ASNS: variants seen among roughly 807,000 people sequenced by gnomAD.
ASNS encodes asparagine synthetase (glutamine-hydrolyzing).
ASNS carries 37 observed loss-of-function variants against 62.6 expected under a neutral mutation model. The ratio of observed to expected loss-of-function variants is 0.59; its 90% CI spans 0.45 to 0.78. The LOEUF (loss-of-function observed/expected upper bound fraction) is 0.78. ASNS is among the 30% of genes least tolerant of loss of function. The pLI, the probability that ASNS is intolerant of heterozygous loss-of-function variation, is 0.00. For missense variants in ASNS, 520 were observed against 682.4 expected (o/e 0.76, Z 2.65); for synonymous variants, 207 against 237.9 (o/e 0.87, Z 1.19).
the ASNS span, among the ~76,000 whole-genome samples, chr7:97,889,127 A>G: frequency 6.6e-6 from 1 of 152,128 alleles, no homozygotes; most frequent in Non-Finnish European, 1.5e-5. Context: ...AGTCCCTAGT[A>G]TTGACACACC....
chr7:97,887,998 G>A, the ASNS span, among the ~76,000 whole-genome samples: 1 of 152,078 alleles, frequency 6.6e-6, no homozygotes, highest in African/African-American at 2.4e-5. Flanking sequence ...GTTTGTTTTT[G>A]GGTTCTCCCT....
intron 7 of ASNS, among the ~76,000 whole-genome samples, chr7:97,857,961 C>T (rs1476264851): frequency 6.6e-6 from 1 of 152,058 alleles, no homozygotes; most frequent in African/African-American, 2.4e-5. Flanking sequence ...TAATCTACCT[C>T]CCTCAGCCTC....
intron 5 of ASNS, 108 bp from the exon 6 acceptor site, chr7:97,859,063 T>C: frequency 3.7e-6 from 5 of 1,369,728 alleles, no homozygotes; most frequent in Non-Finnish European, 5.0e-6. Context: ...ATTTACTCAA[T>C]GGTGGAGTGT....
At chr7:97,909,721 A>G in the ASNS span, among the ~76,000 whole-genome samples, 10 of 152,158 alleles carry the variant, frequency 6.6e-5, no homozygotes, top group Non-Finnish European at 1.0e-4. Context: ...ACTGAGGGTG[A>G]CACAGAAACA....
the ASNS span, among the ~76,000 whole-genome samples, chr7:97,914,702 G>A: frequency 6.6e-6 from 1 of 152,208 alleles, no homozygotes; most frequent in Admixed American, 6.5e-5. Context: ...CAGTCCTCCA[G>A]GTGAGCCCTT....
upstream of ASNS, among the ~76,000 whole-genome samples, chr7:97,876,573 G>C (rs569586686): frequency 1.3e-5 from 2 of 151,768 alleles, no homozygotes. Flanking sequence ...GATTACAGGT[G>C]CCTGCTACCA....
At chr7:97,865,698 C>G (rs916912997) in intron 3 of ASNS, among the ~76,000 whole-genome samples, 2 of 152,158 alleles carry the variant, frequency 1.3e-5, no homozygotes, top group Non-Finnish European at 2.9e-5. Context: ...ATCTACAGGT[C>G]TTTTTGACAT....
At chr7:97,908,255 C>G in the ASNS span, 1 of 152,154 alleles carries the variant, frequency 6.6e-6, no homozygotes, top group East Asian at 1.9e-4. Flanking sequence ...CAACCACCAT[C>G]ATGAATGACA....
At chr7:97,887,167 C>A in the ASNS span, among the ~76,000 whole-genome samples, 3 of 152,184 alleles carry the variant, frequency 2.0e-5, no homozygotes, top group South Asian at 6.2e-4. Context: ...AATCGTTGCC[C>A]CTTGGGGACG....
chr7:97,903,939 CA>C, the ASNS span, among the ~76,000 whole-genome samples: 1 of 152,082 alleles, frequency 6.6e-6, no homozygotes, highest in Non-Finnish European at 1.5e-5. Context: ...ATCACTGTAG[CA>C]AGAAGCTCAT....
chr7:97,875,191 A>T (rs1792412313), upstream of ASNS, among the ~76,000 whole-genome samples: 1 of 152,152 alleles, frequency 6.6e-6, no homozygotes, highest in African/African-American at 2.4e-5. Flanking sequence ...TGTCACCCAG[A>T]CTAGAGTGCA....
At chr7:97,860,098 C>A (rs1450313716) in intron 4 of ASNS, among the ~76,000 whole-genome samples, 1 of 152,142 alleles carries the variant, frequency 6.6e-6, no homozygotes, top group African/African-American at 2.4e-5. Flanking sequence ...ATTGTCTACC[C>A]AGCCAGTAAC....
At chr7:97,875,861 A>T (rs1584483758), upstream of ASNS, among the ~76,000 whole-genome samples, 1 of 148,700 alleles carries the variant, frequency 6.7e-6, no homozygotes, top group Non-Finnish European at 1.5e-5. Flanking sequence ...TTATTAGGCA[A>T]TTTTTTTTTT....
the ASNS span, among the ~76,000 whole-genome samples, chr7:97,911,952 T>C: frequency 6.6e-6 from 1 of 152,188 alleles, no homozygotes. Context: ...CCAGGCTGCC[T>C]GCATTAGAAT....
chr7:97,910,517 C>T, the ASNS span, among the ~76,000 whole-genome samples: 1 of 152,078 alleles, frequency 6.6e-6, no homozygotes, highest in Non-Finnish European at 1.5e-5. Flanking sequence ...TGAAAGGCAC[C>T]CCCTCCTCCC....
the ASNS span, among the ~76,000 whole-genome samples, chr7:97,911,770 G>C: frequency 1.3e-5 from 2 of 152,102 alleles, no homozygotes; most frequent in Non-Finnish European, 2.9e-5. Context: ...AAGGAATAAG[G>C]AGGGAGGGAA....
At chr7:97,921,792 C>T in the ASNS span, among the ~76,000 whole-genome samples, 1 of 152,184 alleles carries the variant, frequency 6.6e-6, no homozygotes, top group Non-Finnish European at 1.5e-5. Flanking sequence ...TTTGCAAGAC[C>T]AGGAGCATCC....
In ASNS at chr7:97,868,136, T is replaced by C. The variant is rs140390717; in HGVS notation, c.249+772A>G. ...CACCCTGGGCAACATGGTGAAACCCTGTCTTTACTAAAATACAAAAAATTA... is the reference window on the plus strand; with the variant it reads ...CACCCTGGGCAACATGGTGAAACCCCGTCTTTACTAAAATACAAAAAATTA... On this transcript the variant is annotated intron_variant, in intron 3 of 12. Coordinates refer to ENST00000394308, the MANE Select transcript of ASNS (RefSeq NM_001673.5). Among the ~76,000 whole-genome samples, 531 of 152,266 alleles carry C rather than the reference T, an allele frequency of 3.5e-3. 4 individuals are homozygous for C. The highest frequency in any genetic ancestry group is 0.012 in the African/African-American group (509 of 41,552).
chr7:97,865,682 A>G (rs561276879), intron 3 of ASNS, among the ~76,000 whole-genome samples: 2 of 152,320 alleles, frequency 1.3e-5, no homozygotes, highest in South Asian at 4.1e-4. Flanking sequence ...TGCTGCTCAT[A>G]GAAATATCTA....
Sources: allele counts gnomAD v4.1 joint callset (sites outside exome capture counted in the v4.1 genomes callset), GRCh38; gene constraint gnomAD v4.1.1; transcripts MANE v1.5; gene names NCBI Gene and HGNC (gene_info 2026-07-23, HGNC 2026-07-21).